STPG2: variants seen among roughly 807,000 people sequenced by gnomAD.
STPG2 encodes sperm tail PG-rich repeat containing 2, also known as sperm-tail PG-rich repeat-containing protein 2.
In STPG2, 56 loss-of-function variants were observed where a neutral mutation model predicts 54.2. That is an observed-to-expected ratio of 1.03 (90% CI 0.83 to 1.29). The LOEUF is 1.29. Ranked by LOEUF, STPG2 falls within the 50% of genes most tolerant of loss-of-function variation. STPG2 has a pLI of 0.00. For synonymous variants in STPG2, 200 were observed against 181.8 expected (o/e 1.10, Z -0.81); for missense variants, 596 against 544.9 (o/e 1.09, Z -0.93).
intron 4 of STPG2, among the ~76,000 whole-genome samples, chr4:97,531,589 A>G (rs1731415143): frequency 6.6e-6 from 1 of 152,218 alleles, no homozygotes. Context: ...TCATTATGTT[A>G]TGTGAGATAA....
chr4:97,906,506 A>C (rs946785790), intron 8 of STPG2, among the ~76,000 whole-genome samples: 1 of 152,172 alleles, frequency 6.6e-6, no homozygotes, highest in Non-Finnish European at 1.5e-5. Context: ...ATCCTCCCTA[A>C]CTCATTTTAT....
intron 8 of STPG2, among the ~76,000 whole-genome samples, chr4:97,921,633 T>C (rs1354550228): frequency 2.0e-5 from 3 of 151,924 alleles, no homozygotes; most frequent in African/African-American, 4.8e-5. Context: ...ACAAGACATA[T>C]ATGGGACATC....
intron 5 of STPG2, among the ~76,000 whole-genome samples, chr4:98,055,462 C>T (rs898746944): frequency 3.9e-5 from 6 of 152,154 alleles, no homozygotes; most frequent in Non-Finnish European, 8.8e-5. Context: ...GAGCACCAGA[C>T]TCATTTTTGA....
chr4:97,533,740 C>T (rs769323308), intron 4 of STPG2, among the ~76,000 whole-genome samples: 3 of 151,900 alleles, frequency 2.0e-5, no homozygotes, highest in Non-Finnish European at 4.4e-5. Context: ...CTGAGTAACC[C>T]TCCATTGTGT....
intron 7 of STPG2, among the ~76,000 whole-genome samples, chr4:97,962,434 A>G (rs1260278167): frequency 6.6e-6 from 1 of 152,210 alleles, no homozygotes; most frequent in African/African-American, 2.4e-5. Context: ...ACACACAAAC[A>G]TGTTGATAAT....
chr4:97,746,343 T>A (rs1011730621), intron 9 of STPG2, among the ~76,000 whole-genome samples: 1 of 151,246 alleles, frequency 6.6e-6, no homozygotes, highest in Non-Finnish European at 1.5e-5. Flanking sequence ...ATTTTAAAGC[T>A]AAAAGTACTG....
chr4:97,757,351 A>C (rs918737817), intron 9 of STPG2, among the ~76,000 whole-genome samples: 1 of 152,026 alleles, frequency 6.6e-6, no homozygotes, highest in African/African-American at 2.4e-5. Context: ...CCACAAATGC[A>C]TTTTCTCATT....
At chr4:97,830,487 T>C (rs1459489433) in intron 9 of STPG2, among the ~76,000 whole-genome samples, 1 of 152,084 alleles carries the variant, frequency 6.6e-6, no homozygotes, top group Non-Finnish European at 1.5e-5. Context: ...AATAAGCACC[T>C]AGCATCATAA....
intron 9 of STPG2, among the ~76,000 whole-genome samples, chr4:97,792,966 A>G (rs1256207335): frequency 6.6e-6 from 1 of 152,112 alleles, no homozygotes; most frequent in Non-Finnish European, 1.5e-5. Context: ...AGCCTGGCCA[A>G]CATGGTGAGA....
At chr4:97,556,583 G>A (rs1206413913), downstream of STPG2, among the ~76,000 whole-genome samples, 1 of 152,010 alleles carries the variant, frequency 6.6e-6, no homozygotes, top group Admixed American at 6.5e-5. Context: ...CACACAATCT[G>A]CATATTTTTA....
rs80210818 is a variant in STPG2 at position 97,787,200 on chromosome 4, T to C, written c.1204+53573A>G. ...CATCCTGTGAATATTTCGTACTTTT[T>C]TTTTCTTTTGTGCCTGGGTTAGACC... On this transcript the variant is annotated intron_variant, in intron 9 of 10. Coordinates refer to ENST00000295268, the MANE Select transcript of STPG2 (RefSeq NM_174952.3). 7.2e-5 allele frequency among the ~76,000 whole-genome samples: 11 copies of C among 152,200 alleles called. No homozygotes were observed. In the East Asian group the frequency reaches 2.1e-3, roughly 29 times the overall value.
intron 9 of STPG2, among the ~76,000 whole-genome samples, chr4:97,756,382 C>G (rs961509748): frequency 1.3e-5 from 2 of 152,130 alleles, no homozygotes; most frequent in African/African-American, 4.8e-5. Flanking sequence ...AGTGCAATGG[C>G]ACAATCTTGG....
intron 8 of STPG2, among the ~76,000 whole-genome samples, chr4:97,897,855 T>G (rs1160121973): frequency 6.6e-6 from 1 of 152,220 alleles, no homozygotes; most frequent in Non-Finnish European, 1.5e-5. Context: ...TTCTGTAGGT[T>G]GTCTGTTCAC....
At chr4:98,031,813 T>C (rs1736609235) in intron 5 of STPG2, among the ~76,000 whole-genome samples, 1 of 152,134 alleles carries the variant, frequency 6.6e-6, no homozygotes, top group Non-Finnish European at 1.5e-5. Context: ...TCATACTCTA[T>C]ACAATTGACA....
chr4:97,958,166 C>G (rs772893685), intron 7 of STPG2, among the ~76,000 whole-genome samples: 2 of 151,846 alleles, frequency 1.3e-5, no homozygotes, highest in Non-Finnish European at 2.9e-5. Context: ...AAAAATTAGC[C>G]AGGTGTGATG....
intron 9 of STPG2, among the ~76,000 whole-genome samples, chr4:97,787,469 G>A (rs1009466619): frequency 2.6e-5 from 4 of 151,900 alleles, no homozygotes; most frequent in African/African-American, 9.7e-5. Flanking sequence ...ACATTTCAGG[G>A]ATCCATGACT....
At chr4:97,503,697 T>C (rs980583062) in intron 4 of STPG2, among the ~76,000 whole-genome samples, 8 of 150,796 alleles carry the variant, frequency 5.3e-5, no homozygotes, top group Non-Finnish European at 1.0e-4. Context: ...AGCATTTTAA[T>C]AAGCTAATCC....
Position 97,771,925 on chromosome 4 carries a change from C to T in STPG2, c.1205-59111G>A, listed in dbSNP as rs187694060. Among the ~76,000 whole-genome samples, 32 of 152,252 alleles carry T rather than the reference C, an allele frequency of 2.1e-4. No homozygotes were observed. The East Asian group carries it at 3.5e-3, about 17-fold the overall frequency. ...GAAAGGGCAGCAGGAAACTAATCAC[C>T]AGAACCATAAAGGGCTGTGAGATTG... On this transcript the variant is annotated intron_variant, in intron 9 of 10. Transcript: ENST00000295268.
chr4:97,976,172 G>A (rs1290521099), intron 6 of STPG2, among the ~76,000 whole-genome samples: 1 of 152,012 alleles, frequency 6.6e-6, no homozygotes, highest in Non-Finnish European at 1.5e-5. Context: ...ATTCTGTTGT[G>A]CCAACTCTCA....
Sources: gnomAD v4.1 joint callset for allele counts (sites outside exome capture counted in the v4.1 genomes callset) on GRCh38, gnomAD v4.1.1 for gene constraint, MANE v1.5 for transcripts, NCBI Gene and HGNC (gene_info 2026-07-23, HGNC 2026-07-21) for gene names.